HDAC9: variants seen among roughly 807,000 people sequenced by gnomAD.
HDAC9 encodes MEF-2 interacting transcription repressor (MITR) protein.
HDAC9 carries 41 observed loss-of-function variants against 139.4 expected under a neutral mutation model. The ratio of observed to expected loss-of-function variants is 0.29; its 90% CI spans 0.23 to 0.38. HDAC9 has a LOEUF of 0.38. Among genes scored for constraint, HDAC9 ranks in the 10% least tolerant of loss-of-function variants. The probability of loss-of-function intolerance (pLI) is 1.00; values close to 1 mark genes in which losing one functional copy is unlikely to be tolerated. For missense variants in HDAC9, 1,147 were observed against 1,297.0 expected, an observed-to-expected ratio of 0.88 and a Z score of 1.78; for synonymous variants, 517 against 476.2, an observed-to-expected ratio of 1.09 and a Z score of -1.12.
At chr7:18,526,565 C>T (rs1807001438) in intron 2 of HDAC9, among the ~76,000 whole-genome samples, 1 of 152,100 alleles carries the variant, frequency 6.6e-6, no homozygotes, top group Admixed American at 6.6e-5. Flanking sequence ...ATTATCAAAG[C>T]TAATCTCATA....
chr7:18,920,567 G>T (rs552555225), intron 22 of HDAC9, among the ~76,000 whole-genome samples: 2 of 151,902 alleles, frequency 1.3e-5, no homozygotes, highest in Non-Finnish European at 2.9e-5. Context: ...TCCCTGTCTT[G>T]TGCCAGTTTT....
chr7:18,923,060 A>G (rs1803900885), intron 22 of HDAC9, among the ~76,000 whole-genome samples: 1 of 152,062 alleles, frequency 6.6e-6, no homozygotes, highest in Non-Finnish European at 1.5e-5. Context: ...AATAGTCACT[A>G]TGAATTTCTT....
chr7:18,367,392 T>C lies in HDAC9; in HGVS notation c.-42+76877T>C, dbSNP rs534267277. ...AGATTTTTATATAACACATCTGATA[T>C]TGAAATTTGAACGTGATAAAAATTG... On this transcript the variant is annotated intron_variant, in intron 1 of 3. Coordinates refer to the HDAC9 transcript ENST00000413509. 3.3e-5 allele frequency among the ~76,000 whole-genome samples: 5 copies of C among 152,230 alleles called. No homozygotes were observed. The South Asian group carries it at 6.2e-4, about 19-fold the overall frequency.
chr7:18,983,769 A>G lies in HDAC9; in HGVS notation c.3170+7816A>G, dbSNP rs115881533. On this transcript the variant is annotated intron_variant, in intron 25 of 25. Transcript: ENST00000686413. ...CCTACACTTGGTAAAATCAGTCTTT[A>G]TAATTTTAGCCTTTTATTGTGGGTG... 5.8e-3 allele frequency among the ~76,000 whole-genome samples: 879 copies of G among 152,288 alleles called. 6 individuals are homozygous for G. The highest frequency in any genetic ancestry group is 0.02 in the African/African-American group (836 of 41,558).
At chr7:18,270,740 A>G (rs760500170) in intron 2 of HDAC9, among the ~76,000 whole-genome samples, 1 of 152,130 alleles carries the variant, frequency 6.6e-6, no homozygotes, top group African/African-American at 2.4e-5. Flanking sequence ...TTTTATGTGC[A>G]CCTTCTGACT....
At chr7:18,801,397 TATTA>T (rs1169351552) in intron 17 of HDAC9, among the ~76,000 whole-genome samples, 1 of 152,102 alleles carries the variant, frequency 6.6e-6, no homozygotes, top group African/African-American at 2.4e-5. Context: ...TGATAAGTTA[TATTA>T]ATTAAATATT....
chr7:18,272,945 T>C (rs985891332), intron 2 of HDAC9, among the ~76,000 whole-genome samples: 1 of 150,208 alleles, frequency 6.7e-6, no homozygotes, highest in Non-Finnish European at 1.5e-5. Context: ...CTACTACTAC[T>C]ACTACTACTA....
At chr7:18,895,436 A>G (rs1380005482) in intron 22 of HDAC9, among the ~76,000 whole-genome samples, 1 of 152,070 alleles carries the variant, frequency 6.6e-6, no homozygotes, top group African/African-American at 2.4e-5. Context: ...TTGAAAAGCT[A>G]GAAGGTGATA....
intron 1 of HDAC9, among the ~76,000 whole-genome samples, chr7:18,436,874 C>T (rs1481141590): frequency 2.0e-5 from 3 of 152,108 alleles, no homozygotes. Context: ...TCCTGAAATT[C>T]AAGCCTGGTT....
intron 1 of HDAC9, among the ~76,000 whole-genome samples, chr7:18,344,628 G>A (rs1023869687): frequency 6.6e-6 from 1 of 151,870 alleles, no homozygotes; most frequent in East Asian, 1.9e-4. Context: ...AGTTTTCAGG[G>A]AAGATAGAAT....
At chr7:18,816,203 T>C (rs993792732) in intron 17 of HDAC9, among the ~76,000 whole-genome samples, 3 of 152,214 alleles carry the variant, frequency 2.0e-5, no homozygotes, top group African/African-American at 7.2e-5. Context: ...AAAACAACTA[T>C]CTACAATCTT....
At chr7:18,267,068 G>C (rs985705619) in intron 2 of HDAC9, among the ~76,000 whole-genome samples, 1 of 152,136 alleles carries the variant, frequency 6.6e-6, no homozygotes, top group Non-Finnish European at 1.5e-5. Flanking sequence ...GAGGGGACCA[G>C]TCTACAGCTT....
In HDAC9 at chr7:18,644,689, C is replaced by A; in HGVS notation, c.931C>A (p.Arg311Ser). ...TTAACAGCAAATGGTTTCACAGCAA[C>A]GCATTCTAATTCATGAAGATTCCAT... ...PHAEQMVSQQ[R>S]ILIHEDSMNL... is the part of the protein sequence containing the mutation. The change falls in exon 9 of 26, where the codon CGC becomes AGC. Residue 311 changes from arginine to serine, a missense_variant. Arg to Ser is a moderately radical substitution (Grantham distance 110, BLOSUM62 -1). This residue lies in a region of HDAC9 where 264 missense variants were observed against 273.8 expected (regional missense o/e 0.96). Transcript: ENST00000686413. 1.2e-6 allele frequency: 2 copies of A among 1,611,006 alleles called. No individual in the cohort carries two copies. Among genetic ancestry groups the A allele is most frequent in the African/African-American group, 1.3e-5 (1 of 74,890 alleles).
intron 1 of HDAC9, among the ~76,000 whole-genome samples, chr7:18,380,624 G>A (rs77041237): frequency 0.014 from 2,176 of 152,296 alleles, 23 homozygotes; most frequent in Non-Finnish European, 0.023. Flanking sequence ...ATGGTCTAGC[G>A]ATGGTCTTCA....
intron 1 of HDAC9, among the ~76,000 whole-genome samples, chr7:18,155,093 C>CTTTCT (rs761803907): frequency 5.6e-4 from 79 of 141,708 alleles, no homozygotes; most frequent in Middle Eastern, 3.6e-3. Context: ...TTCTTTCTTT[C>CTTTCT]TTTTTTTTTT....
chr7:18,527,854 G>GACAGTTT, intron 2 of HDAC9, among the ~76,000 whole-genome samples: 1 of 152,154 alleles, frequency 6.6e-6, no homozygotes, highest in African/African-American at 2.4e-5. Flanking sequence ...TTCTGTAGGA[G>GACAGTTT]ACAGTTTACA....
chr7:18,336,846 A>G (rs1781622202), intron 1 of HDAC9, among the ~76,000 whole-genome samples: 1 of 151,710 alleles, frequency 6.6e-6, no homozygotes, highest in African/African-American at 2.4e-5. Context: ...TGACATTCTG[A>G]CAGTGTGTCA....
At chr7:18,680,670 T>C (rs1300357354) in intron 12 of HDAC9, among the ~76,000 whole-genome samples, 1 of 152,060 alleles carries the variant, frequency 6.6e-6, no homozygotes, top group Non-Finnish European at 1.5e-5. Context: ...AAAGATTTAC[T>C]GTTACAGTTT....
rs532229231 is a variant in HDAC9, at chr7:18,736,683, G to A, written c.1909+8926G>A. Among the ~76,000 whole-genome samples the A allele has an allele frequency of 5.9e-5, 9 of 152,282 alleles. No individual in the cohort carries two copies. The East Asian group carries it at 1.7e-3, about 29-fold the overall frequency. Reference sequence around the variant, plus strand: ...ACATTGATGTTCATCAGGGATATTGGTCTAAAATTCTCTTTTTTTGTTGTG... The same window carrying A: ...ACATTGATGTTCATCAGGGATATTGATCTAAAATTCTCTTTTTTTGTTGTG... On this transcript the variant is annotated intron_variant, in intron 13 of 25. Transcript: ENST00000686413.
Sources: gnomAD v4.1 joint callset for allele counts (sites outside exome capture counted in the v4.1 genomes callset) on GRCh38, gnomAD v4.1.1 for gene constraint, gnomAD v4.1.1 regional missense constraint, MANE v1.5 for transcripts, NCBI Gene and HGNC (gene_info 2026-07-23, HGNC 2026-07-21) for gene names.